FBLN1: variants seen among roughly 807,000 people sequenced by gnomAD.
FBLN1 encodes the protein fibulin-1.
In FBLN1, 34 loss-of-function variants were observed where a neutral mutation model predicts 89.7. The observed-to-expected ratio is 0.38, with a 90% CI of 0.29 to 0.50. The LOEUF (loss-of-function observed/expected upper bound fraction) is 0.50, where lower values mean the gene tolerates loss of function less well. Among genes scored for constraint, FBLN1 ranks in the 20% least tolerant of loss-of-function variants. The pLI is 0.92. For synonymous variants in FBLN1, 393 were observed against 391.3 expected (o/e 1.00, Z -0.05); for missense variants, 777 against 988.1 (o/e 0.79, Z 2.86).
At chr22:45,517,439 G>C (rs1451243162) in intron 1 of FBLN1, 1 of 414,184 alleles carries the variant, frequency 2.4e-6, no homozygotes, top group Non-Finnish European at 4.9e-6. Flanking sequence ...GAGGGGCTGG[G>C]AGGGTGCCCA....
Position 45,518,799 on chromosome 22 carries a change from A to G in FBLN1, c.185+12A>G, listed in dbSNP as rs778486857. On this transcript the variant is annotated intron_variant, in intron 2 of 16. Transcript: ENST00000327858. ...TCCAAAGAATGCAGGTACGTTTGCCAGTGGCCACTGTTTCACTGGAACAAT... is the reference window on the plus strand; with the variant it reads ...TCCAAAGAATGCAGGTACGTTTGCCGGTGGCCACTGTTTCACTGGAACAAT... 1 of 1,592,058 alleles carries G rather than the reference A, an allele frequency of 6.3e-7. No individual in the cohort carries two copies. Among genetic ancestry groups the G allele is most frequent in the East Asian group, 2.3e-5 (1 of 44,004 alleles).
Position 45,577,240 on chromosome 22 carries a change from G to T in FBLN1, c.1972+132G>T, listed in dbSNP as rs1221608227. On this transcript the variant is annotated intron_variant, in intron 16 of 16. Transcript: ENST00000327858. This position sits in a 1 kb window ranked among gnomAD's most constrained non-coding sequence, Gnocchi z 6.6. ...GCCCACCCAACCTTCAGGGCCCAGC[G>T]CCGAGGCCACCACAGCTCCCAATCG... The T allele has an allele frequency of 9.7e-7, 1 of 1,026,486 alleles. No individual in the cohort carries two copies. Among genetic ancestry groups the T allele is most frequent in the African/African-American group, 1.6e-5 (1 of 63,156 alleles). The allele number at this position is 1,026,486 out of a possible 1,614,324, so 63.6% of individuals were successfully genotyped here. A position where few individuals can be genotyped will look rare whatever the true frequency, so the allele number is the denominator to read the frequency against.
Position 45,531,187 on chromosome 22 carries a change from A to C in FBLN1, c.485-78A>C. On this transcript the variant is annotated intron_variant, in intron 4 of 16. Transcript: ENST00000327858. The surrounding 1 kb of genome is among the most constrained non-coding windows in gnomAD (Gnocchi z 4.9). ...GCATTACTGCCTGATAGTGACAAGA[A>C]GAGAGAATGTTGGGAGTTTCTTTTA... 2 of 1,257,072 alleles carry C rather than the reference A, an allele frequency of 1.6e-6. No individual in the cohort carries two copies. The highest frequency in any genetic ancestry group is 2.3e-6 in the Non-Finnish European group (2 of 854,818). 77.9% of individuals were successfully genotyped at this position (1,257,072 alleles called of 1,614,324 possible).
chr22:45,518,687 G>A lies in FBLN1; in HGVS notation c.85G>A (p.Ala29Thr), dbSNP rs137975938. ...TTGTTCTCTTCCCTGCACAGTGGAC[G>A]CGGATGTCCTCCTGGAGGCCTGCTG... ...GLALLAAGVDADVLLEACCAD... is the reference protein window; with the variant it reads ...GLALLAAGVDTDVLLEACCAD... The change falls in exon 2 of 17, where the codon GCG (alanine) becomes ACG (threonine). Residue 29 changes from alanine (A) to threonine (T), a missense_variant. By Grantham distance (58) the Ala-to-Thr change is moderately conservative (BLOSUM62 0). Transcript: ENST00000327858. 10 of 1,602,982 alleles carry A rather than the reference G, an allele frequency of 6.2e-6. No homozygotes were observed. The highest frequency in any genetic ancestry group is 1.6e-4 in the Middle Eastern group (1 of 6,070).
At chr22:45,513,662 C>T (rs1315817002) in intron 1 of FBLN1, among the ~76,000 whole-genome samples, 2 of 152,184 alleles carry the variant, frequency 1.3e-5, no homozygotes, top group African/African-American at 2.4e-5. Flanking sequence ...GCCTGTGGCA[C>T]CCACCCATCC....
chr22:45,552,380 C>T (rs1164150931), intron 14 of FBLN1, among the ~76,000 whole-genome samples: 2 of 152,202 alleles, frequency 1.3e-5, no homozygotes, highest in African/African-American at 4.8e-5. Context: ...AGGGATTGAG[C>T]TGCTGGGCGC....
rs1443031466 is a variant in FBLN1 at position 45,562,867 on chromosome 22, C to A, written c.1698-11644C>A. On this transcript the variant is annotated intron_variant, in intron 14 of 16. Coordinates refer to ENST00000327858, the MANE Select transcript of FBLN1 (RefSeq NM_006486.3). The surrounding 1 kb of genome is among the most constrained non-coding windows in gnomAD (Gnocchi z 7.8). ...CTCTGCCGTTTCTCCGCTTGCTGGA[C>A]CGGCCCTAACCCTCTTCTTGTCTCT... 1 of 1,583,252 alleles carries A rather than the reference C, an allele frequency of 6.3e-7. No individual in the cohort carries two copies. Among genetic ancestry groups the A allele is most frequent in the Admixed American group, 1.7e-5 (1 of 59,992 alleles).
chr22:45,507,442 G>A (rs2088037227), intron 1 of FBLN1, among the ~76,000 whole-genome samples: 1 of 152,188 alleles, frequency 6.6e-6, no homozygotes, highest in African/African-American at 2.4e-5. Context: ...TATTATAGGT[G>A]AAATGCTTTA....
At chr22:45,567,818 A>T (rs995345835) in intron 14 of FBLN1, among the ~76,000 whole-genome samples, 5 of 152,182 alleles carry the variant, frequency 3.3e-5, no homozygotes, top group Non-Finnish European at 5.9e-5. Flanking sequence ...CTGTGCAGGA[A>T]AAAACAGTGG....
intron 10 of FBLN1, 50 bp from the exon 11 acceptor site, chr22:45,543,351 G>A: frequency 6.2e-7 from 1 of 1,605,578 alleles, no homozygotes; most frequent in Non-Finnish European, 8.5e-7. Flanking sequence ...GTGGAGTGTG[G>A]TGCCACTGTG....
intron 11 of FBLN1, among the ~76,000 whole-genome samples, chr22:45,546,179 C>CACA (rs1555956255): frequency 6.8e-6 from 1 of 148,060 alleles, no homozygotes; most frequent in Non-Finnish European, 1.5e-5. Context: ...GACTTTGTCT[C>CACA]AAAAAAAAAA....
intron 16 of FBLN1, among the ~76,000 whole-genome samples, chr22:45,592,618 A>T (rs1243556176): frequency 6.6e-6 from 1 of 152,164 alleles, no homozygotes; most frequent in African/African-American, 2.4e-5. Flanking sequence ...GTGAGTCACC[A>T]CGCCCGGCCG....
At position 45,503,023 on chromosome 22, in the gene FBLN1, C is replaced by G. The variant is rs17852049; in HGVS notation, c.38C>G (p.Pro13Arg). 5.6e-6 allele frequency: 7 copies of G among 1,250,412 alleles called. No individual in the cohort carries two copies. The highest frequency in any genetic ancestry group is 6.0e-6 in the Non-Finnish European group (6 of 998,898). The allele number at this position is 1,250,412 out of a possible 1,614,324, so 77.5% of individuals were successfully genotyped here. Residue 13 changes from proline (P) to arginine (R), a missense_variant, in exon 1 of 17, where the codon CCG (proline) becomes CGG (arginine). Physicochemically the swap from Pro to Arg is moderately radical, Grantham distance 103. Coordinates refer to ENST00000327858, the MANE Select transcript of FBLN1 (RefSeq NM_006486.3). Reference sequence around the variant, plus strand: ...GCGCCGTCGCGCCGGGTCCCGCTTCCGCTGCTGCTGCTCGGCGGCCTTGCG... The same window carrying G: ...GCGCCGTCGCGCCGGGTCCCGCTTCGGCTGCTGCTGCTCGGCGGCCTTGCG... ...RAAPSRRVPLPLLLLGGLALL... is the reference protein window; with the variant it reads ...RAAPSRRVPLRLLLLGGLALL...
At chr22:45,508,738 C>T (rs1233530114) in intron 1 of FBLN1, among the ~76,000 whole-genome samples, 1 of 152,096 alleles carries the variant, frequency 6.6e-6, no homozygotes, top group Admixed American at 6.6e-5. Flanking sequence ...TCTTTGCCCC[C>T]ACTTTATAGA....
intron 14 of FBLN1, among the ~76,000 whole-genome samples, chr22:45,564,336 G>T (rs1023244767): frequency 6.6e-6 from 1 of 152,194 alleles, no homozygotes; most frequent in Non-Finnish European, 1.5e-5. Context: ...GCCTAAAACC[G>T]TTCCTGGCTT....
At position 45,575,956 on chromosome 22, in the gene FBLN1, G is replaced by C. The variant is rs2088993464; in HGVS notation, c.1841-1021G>C. Among the ~76,000 whole-genome samples, 1 of 152,132 alleles carries C rather than the reference G, an allele frequency of 6.6e-6. No homozygotes were observed. Among genetic ancestry groups the C allele is most frequent in the South Asian group, 2.1e-4 (1 of 4,828 alleles). On this transcript the variant is annotated intron_variant, in intron 15 of 16. Coordinates refer to ENST00000327858, the MANE Select transcript of FBLN1 (RefSeq NM_006486.3). This position sits in a 1 kb window ranked among gnomAD's most constrained non-coding sequence, Gnocchi z 6.3. ...GCTCTAGGGACATGGTGATAAGAAG[G>C]GGTCCTCCCACCCTCTCAGGGGAGG...
chr22:45,566,343 T>C (rs1055524354), intron 14 of FBLN1, among the ~76,000 whole-genome samples: 1 of 152,170 alleles, frequency 6.6e-6, no homozygotes, highest in Admixed American at 6.5e-5. Context: ...GGGGTCCCGT[T>C]GCATTTTGGG....
At chr22:45,600,268 C>T in intron 16 of FBLN1, 39 bp from the exon 17 acceptor site, 1 of 1,613,860 alleles carries the variant, frequency 6.2e-7, no homozygotes, top group South Asian at 1.1e-5. Context: ...TTGCTGCAGT[C>T]CCTTCTAACT....
chr22:45,507,114 T>C lies in FBLN1; in HGVS notation c.79+4050T>C, dbSNP rs139323015. ...CTCAGGCTGGAGGGGAGCTCAGGAC[T>C]GGCTAAGTCATCTGCCACAAGTCAC... On this transcript the variant is annotated intron_variant, in intron 1 of 16. Coordinates refer to ENST00000327858, the MANE Select transcript of FBLN1 (RefSeq NM_006486.3). Among the ~76,000 whole-genome samples the C allele has an allele frequency of 1.0e-3, 152 of 152,250 alleles. 3 individuals carry two copies. In the East Asian group the frequency reaches 0.023, roughly 23 times the overall value.
Sources: gnomAD v4.1 joint callset for allele counts (sites outside exome capture counted in the v4.1 genomes callset) on GRCh38, gnomAD v4.1.1 for gene constraint, Gnocchi (gnomAD v3.1) non-coding constraint, MANE v1.5 for transcripts, NCBI Gene and HGNC (gene_info 2026-07-23, HGNC 2026-07-21) for gene names.